Variants in PLPPR1 observed in about 807,000 individuals in gnomAD.
PLPPR1 encodes phospholipid phosphatase related 1.
In PLPPR1, 10 loss-of-function variants were observed where a neutral mutation model predicts 33.1. The ratio of observed to expected loss-of-function variants is 0.30; its 90% CI spans 0.19 to 0.51. PLPPR1 has a LOEUF of 0.51. Among genes scored for constraint, PLPPR1 ranks in the 20% least tolerant of loss-of-function variants. The pLI is 0.97. For synonymous variants in PLPPR1, 151 were observed against 151.0 expected, an observed-to-expected ratio of 1.00 and a Z score of 0.00; for missense variants, 304 against 408.1, an observed-to-expected ratio of 0.74 and a Z score of 2.20.
intron 1 of PLPPR1, among the ~76,000 whole-genome samples, chr9:101,156,641 G>A (rs2771067): frequency 0.69 from 102,263 of 149,126 alleles, 35,553 homozygotes; most frequent in African/African-American, 0.71. Flanking sequence ...TGCTACATAC[G>A]GTAAAATAGT....
intron 4 of PLPPR1, among the ~76,000 whole-genome samples, chr9:101,292,353 T>C (rs899780966): frequency 1.1e-4 from 16 of 152,156 alleles, no homozygotes; most frequent in East Asian, 7.7e-4. Flanking sequence ...TGGAACCAAG[T>C]TGGAAAACAC....
At chr9:101,152,373 AT>A (rs1831600939) in intron 1 of PLPPR1, among the ~76,000 whole-genome samples, 1 of 151,972 alleles carries the variant, frequency 6.6e-6, no homozygotes. Context: ...ATGATAGTTT[AT>A]TTTGCTGTGC....
intron 1 of PLPPR1, among the ~76,000 whole-genome samples, chr9:101,097,447 T>C (rs1028328321): frequency 1.3e-5 from 2 of 152,182 alleles, no homozygotes; most frequent in African/African-American, 4.8e-5. Flanking sequence ...TTGAATGATG[T>C]GCTTAGAATA....
chr9:101,124,538 A>G (rs544037446), intron 1 of PLPPR1, among the ~76,000 whole-genome samples: 40 of 152,342 alleles, frequency 2.6e-4, no homozygotes, highest in African/African-American at 9.6e-4. Context: ...CCTCACCTCC[A>G]TATTAGTAAA....
At chr9:101,108,960 A>ATTT (rs5899429) in intron 1 of PLPPR1, among the ~76,000 whole-genome samples, 6 of 136,786 alleles carry the variant, frequency 4.4e-5, no homozygotes, top group South Asian at 2.3e-4. Context: ...GTCTTCAATA[A>ATTT]TTTTTTTTTT....
At chr9:101,250,164 C>T (rs982015054) in intron 2 of PLPPR1, among the ~76,000 whole-genome samples, 10 of 152,064 alleles carry the variant, frequency 6.6e-5, no homozygotes, top group Middle Eastern at 3.4e-3. Context: ...AGATCTAGCT[C>T]TTCCTCCCTT....
At chr9:101,280,396 C>T (rs1414575716) in intron 3 of PLPPR1, among the ~76,000 whole-genome samples, 1 of 152,058 alleles carries the variant, frequency 6.6e-6, no homozygotes, top group Non-Finnish European at 1.5e-5. Flanking sequence ...TCAAACTATT[C>T]TGCAAAATAG....
chr9:101,323,252 C>T (rs375462735), intron 7 of PLPPR1, among the ~76,000 whole-genome samples: 18 of 151,852 alleles, frequency 1.2e-4, no homozygotes, highest in South Asian at 8.3e-4. Flanking sequence ...CCCAGCACTT[C>T]GGAAGGCCAA....
At chr9:101,254,140 A>G (rs1364531296) in intron 2 of PLPPR1, among the ~76,000 whole-genome samples, 1 of 151,924 alleles carries the variant, frequency 6.6e-6, no homozygotes. Flanking sequence ...ATTCAAGCAC[A>G]TTACATTTAT....
intron 2 of PLPPR1, among the ~76,000 whole-genome samples, chr9:101,259,330 C>A (rs1827855265): frequency 6.6e-6 from 1 of 152,140 alleles, no homozygotes. Flanking sequence ...CTGCTTCTAT[C>A]CATTACCAAA....
chr9:101,181,726 GGTGTGTGTGTGTATA>G (rs1826116387), intron 1 of PLPPR1, among the ~76,000 whole-genome samples: 1 of 65,544 alleles, frequency 1.5e-5, no homozygotes, highest in Admixed American at 1.9e-4. Flanking sequence ...ACTATTTGGG[GGTGTGTGTGTGTATA>G]TATACACACA....
chr9:101,171,792 A>C (rs1825945895), intron 1 of PLPPR1, among the ~76,000 whole-genome samples: 1 of 152,182 alleles, frequency 6.6e-6, no homozygotes, highest in Non-Finnish European at 1.5e-5. Context: ...AATTAATTTA[A>C]AAATTAAATT....
chr9:101,321,193 AC>A (rs1386630817), intron 7 of PLPPR1, among the ~76,000 whole-genome samples: 1 of 152,196 alleles, frequency 6.6e-6, no homozygotes, highest in African/African-American at 2.4e-5. Flanking sequence ...ACACATTCGT[AC>A]ACATGAAATC....
At chr9:101,244,592 T>C (rs530287380) in intron 2 of PLPPR1, among the ~76,000 whole-genome samples, 1 of 151,970 alleles carries the variant, frequency 6.6e-6, no homozygotes, top group East Asian at 1.9e-4. Flanking sequence ...AAAAATTCAG[T>C]CTCTCATTTC....
chr9:101,111,317 C>T (rs1443084566), intron 1 of PLPPR1, among the ~76,000 whole-genome samples: 1 of 152,092 alleles, frequency 6.6e-6, no homozygotes, highest in Non-Finnish European at 1.5e-5. Context: ...AATCAATCTT[C>T]TCTTGATATT....
At chr9:101,230,759 C>T (rs1827165639) in intron 2 of PLPPR1, among the ~76,000 whole-genome samples, 1 of 151,768 alleles carries the variant, frequency 6.6e-6, no homozygotes, top group South Asian at 2.1e-4. Flanking sequence ...TTATCAACAC[C>T]ACCAAAACAC....
intron 1 of PLPPR1, among the ~76,000 whole-genome samples, chr9:101,076,412 G>A (rs977723168): frequency 9.2e-5 from 14 of 152,132 alleles, no homozygotes; most frequent in Non-Finnish European, 4.4e-5. Context: ...TATATGTTCT[G>A]ACTAAAAATT....
chr9:101,097,391 A>G (rs533177589), intron 1 of PLPPR1, among the ~76,000 whole-genome samples: 8 of 152,330 alleles, frequency 5.3e-5, no homozygotes, highest in Admixed American at 3.3e-4. Context: ...GGACAAATGT[A>G]TCACCCAAAC....
At chr9:101,216,602 T>G (rs1484840589) in intron 2 of PLPPR1, among the ~76,000 whole-genome samples, 3 of 152,252 alleles carry the variant, frequency 2.0e-5, no homozygotes, top group Non-Finnish European at 4.4e-5. Flanking sequence ...AGCAAATAAA[T>G]TTTTTGAAAA....
Sources: allele counts gnomAD v4.1 joint callset (sites outside exome capture counted in the v4.1 genomes callset), GRCh38; gene constraint gnomAD v4.1.1; transcripts MANE v1.5; gene names NCBI Gene and HGNC (gene_info 2026-07-23, HGNC 2026-07-21).